Variants in NID1 observed in about 807,000 individuals in gnomAD.
The protein encoded by NID1 is nidogen-1.
A neutral mutation model predicts 130.6 loss-of-function variants in NID1; 76 were observed. The observed-to-expected ratio is 0.58, with a 90% CI of 0.48 to 0.70. The LOEUF is 0.70. NID1 is among the 30% of genes least tolerant of loss of function. The pLI is 0.00. For synonymous variants in NID1, 665 were observed against 675.1 expected, an observed-to-expected ratio of 0.98 and a Z score of 0.23; for missense variants, 1,517 against 1,664.8, an observed-to-expected ratio of 0.91 and a Z score of 1.54.
At chr1:235,986,725 G>A (rs901911637) in intron 14 of NID1, among the ~76,000 whole-genome samples, 1 of 152,176 alleles carries the variant, frequency 6.6e-6, no homozygotes, top group Admixed American at 6.5e-5. Flanking sequence ...GCCTCCCAAA[G>A]TCCTGAGATT....
chr1:236,052,351 C>T (rs1376626511), intron 1 of NID1, among the ~76,000 whole-genome samples: 2 of 151,060 alleles, frequency 1.3e-5, no homozygotes, highest in African/African-American at 2.5e-5. Context: ...GACACAGGCA[C>T]TCAGGCAGGA....
rs779301161 is a variant in NID1, at chr1:236,048,912, G to A, written c.303C>T (p.Phe101=). 18 of 1,613,976 alleles carry A rather than the reference G, an allele frequency of 1.1e-5. No individual in the cohort carries two copies. Among genetic ancestry groups the A allele is most frequent in the African/African-American group, 1.1e-4 (8 of 74,934 alleles). Residue 101 remains phenylalanine, a synonymous_variant, in exon 2 of 20, where the codon TTC becomes TTT. Transcript: ENST00000264187. ...CCGCCAGGAAAGGGGCGACTGCACC[G>A]AATGTTGGTGGGAAGAGCCCGGGAT... ...ESHPGLFPPT[F]GAVAPFLADL...
At chr1:236,004,903 C>T (rs201511371) in intron 12 of NID1, among the ~76,000 whole-genome samples, 21 of 152,106 alleles carry the variant, frequency 1.4e-4, no homozygotes, top group African/African-American at 4.6e-4. Context: ...GAGCCCGGCA[C>T]GGTGGCTCAC....
chr1:236,038,403 C>T, intron 4 of NID1, 150 bp from the exon 5 acceptor site: 1 of 717,288 alleles, frequency 1.4e-6, no homozygotes, highest in Non-Finnish European at 2.1e-6. Flanking sequence ...GATTACAATC[C>T]CCTACAGGTA....
chr1:235,995,089 A>G (rs1171978954), intron 12 of NID1, among the ~76,000 whole-genome samples: 3 of 152,164 alleles, frequency 2.0e-5, no homozygotes, highest in African/African-American at 4.8e-5. Context: ...TACAGTGAAC[A>G]CTCCATATCC....
Position 235,990,947 on chromosome 1 carries a change from C to G in NID1, c.2867G>C (p.Arg956Pro). Reference sequence around the variant, plus strand: ...CATGGTATTTCCCTCCAGGGGCAGGCGCTCAATCTTCCCAGTCTGGGCAAA... The same window carrying G: ...CATGGTATTTCCCTCCAGGGGCAGGGGCTCAATCTTCCCAGTCTGGGCAAA... ...LLFAQTGKIE[R>P]LPLEGNTMRK... is the part of the protein sequence containing the mutation. Residue 956 changes from arginine to proline, a missense_variant, in exon 14 of 20, where the codon CGC (arginine) becomes CCC (proline). Arg to Pro is a moderately radical substitution (Grantham distance 103). Transcript: ENST00000264187. The G allele has an allele frequency of 6.2e-7, 1 of 1,614,148 alleles. No homozygotes were observed. The highest frequency in any genetic ancestry group is 8.5e-7 in the Non-Finnish European group (1 of 1,180,026).
chr1:236,036,035 G>C (rs1010863130), intron 5 of NID1, among the ~76,000 whole-genome samples: 1 of 152,158 alleles, frequency 6.6e-6, no homozygotes, highest in Non-Finnish European at 1.5e-5. Context: ...TGGCTGAACA[G>C]TTTGTCATAT....
At chr1:236,036,848 C>T (rs1048282973) in intron 5 of NID1, among the ~76,000 whole-genome samples, 1 of 152,138 alleles carries the variant, frequency 6.6e-6, no homozygotes, top group African/African-American at 2.4e-5. Flanking sequence ...AATGTGGCCC[C>T]CTGATCTTGG....
In NID1 at chr1:236,039,166, T is replaced by C; in HGVS notation, c.1136-913A>G. On this transcript the variant is annotated intron_variant, in intron 4 of 19. Transcript: ENST00000264187. ...TTACATTATAATACATTATAACAGA[T>C]AAAATATATTTATATGTTATATAAT... 2.1e-5 allele frequency among the ~76,000 whole-genome samples: 3 copies of C among 145,420 alleles called. No homozygotes were observed. In the Middle Eastern group the frequency reaches 0.011, roughly 527 times the overall value.
At chr1:235,985,156 G>A (rs1400245595) in intron 15 of NID1, among the ~76,000 whole-genome samples, 1 of 150,808 alleles carries the variant, frequency 6.6e-6, no homozygotes, top group Non-Finnish European at 1.5e-5. Context: ...TCACGCCACT[G>A]CACTCCAGCC....
In NID1 at chr1:236,038,123, G is replaced by A; in HGVS notation, c.1266C>T (p.Gly422=). 6.2e-7 allele frequency: 1 copy of A among 1,602,292 alleles called. No individual in the cohort carries two copies. Among genetic ancestry groups the A allele is most frequent in the African/African-American group, 1.3e-5 (1 of 74,836 alleles). The change falls in exon 5 of 20, where the codon GGC becomes GGT. Residue 422 remains glycine (G), a synonymous_variant. Coordinates refer to ENST00000264187, the MANE Select transcript of NID1 (RefSeq NM_002508.3). ...CSCVAGYTGN[G]RQCVAEGSPQ... The stretch of plus-strand genomic sequence containing the variant: ...AATTACCTTCTGCAACACATTGCCT[G>A]CCATTGCCCGTATAGCCAGCGACAC...
intron 4 of NID1, among the ~76,000 whole-genome samples, chr1:236,039,702 G>A (rs937200322): frequency 3.3e-5 from 5 of 152,230 alleles, no homozygotes; most frequent in Admixed American, 1.3e-4. Flanking sequence ...TGACTGTTAC[G>A]AGTGAAGAGA....
chr1:236,025,218 C>T (rs1186773772), intron 8 of NID1, among the ~76,000 whole-genome samples: 1 of 150,958 alleles, frequency 6.6e-6, no homozygotes, highest in Non-Finnish European at 1.5e-5. Flanking sequence ...TCCCAAAGTA[C>T]TGGGATTACA....
intron 1 of NID1, among the ~76,000 whole-genome samples, chr1:236,051,310 C>T (rs1313034204): frequency 2.0e-5 from 3 of 147,384 alleles, no homozygotes; most frequent in African/African-American, 7.5e-5. Flanking sequence ...TCTTATCCCT[C>T]AGTCACTTCA....
intron 1 of NID1, among the ~76,000 whole-genome samples, chr1:236,057,974 TGGC>T (rs1390989661): frequency 6.6e-6 from 1 of 152,164 alleles, no homozygotes; most frequent in Non-Finnish European, 1.5e-5. Context: ...TGACTCCCAA[TGGC>T]AGCAGCACGT....
At position 236,008,021 on chromosome 1, in the gene NID1, T is replaced by G. The variant is rs187512849; in HGVS notation, c.2527+3900A>C. Among the ~76,000 whole-genome samples, 196 of 152,266 alleles carry G rather than the reference T, an allele frequency of 1.3e-3. 1 individual carries two copies. The highest frequency in any genetic ancestry group is 9.8e-4 in the Admixed American group (15 of 15,296). ...GCACACTTAGACACGCATACACATG[T>G]GCACACACACACGCACACATGCTGG... On this transcript the variant is annotated intron_variant, in intron 12 of 19. Coordinates refer to ENST00000264187, the MANE Select transcript of NID1 (RefSeq NM_002508.3).
intron 4 of NID1, among the ~76,000 whole-genome samples, chr1:236,040,721 T>G (rs2102839031): frequency 6.6e-6 from 1 of 151,182 alleles, no homozygotes; most frequent in Middle Eastern, 3.4e-3. Context: ...TGGAGGGCAA[T>G]GGAGCGATCT....
chr1:235,985,080 CTA>C (rs1657536382), intron 15 of NID1, among the ~76,000 whole-genome samples: 2 of 151,782 alleles, frequency 1.3e-5, no homozygotes, highest in Admixed American at 1.3e-4. Context: ...TTAGTCCCAG[CTA>C]CTCGAGAGGC....
At chr1:236,050,782 GA>G (rs947757946) in intron 1 of NID1, among the ~76,000 whole-genome samples, 2 of 151,754 alleles carry the variant, frequency 1.3e-5, no homozygotes, top group African/African-American at 4.8e-5. Context: ...TGAATTGAAA[GA>G]AAAAAATCCC....
Sources: allele counts gnomAD v4.1 joint callset (sites outside exome capture counted in the v4.1 genomes callset), GRCh38; gene constraint gnomAD v4.1.1; transcripts MANE v1.5; gene names NCBI Gene and HGNC (gene_info 2026-07-23, HGNC 2026-07-21).